Variants in BMPR1B observed in about 807,000 individuals in gnomAD.
BMPR1B encodes bone morphogenetic protein receptor type 1B.
In BMPR1B, 12 loss-of-function variants were observed where a neutral mutation model predicts 59.1. The observed-to-expected ratio is 0.20, with a 90% CI of 0.13 to 0.33. BMPR1B has a LOEUF of 0.33. Ranked by LOEUF, BMPR1B falls within the 10% of genes least tolerant of loss-of-function variation. BMPR1B has a pLI of 1.00. For synonymous variants in BMPR1B, 237 were observed against 207.3 expected (o/e 1.14, Z -1.23); for missense variants, 550 against 610.9 (o/e 0.90, Z 1.05).
intron 3 of BMPR1B, among the ~76,000 whole-genome samples, chr4:95,037,164 A>C (rs2149166249): frequency 1.3e-5 from 2 of 152,228 alleles, no homozygotes; most frequent in South Asian, 2.1e-4. Context: ...GTGTTAGTGG[A>C]GTGCTACCTC....
At chr4:94,948,802 TCA>T (rs570642655) in intron 2 of BMPR1B, among the ~76,000 whole-genome samples, 183 of 152,290 alleles carry the variant, frequency 1.2e-3, no homozygotes, top group African/African-American at 4.2e-3. Context: ...ATTTGCTAAA[TCA>T]CTATCTCTGC....
rs540105200 is a variant in BMPR1B, at chr4:95,143,373, C to T, written c.1077-5375C>T. ...AGTGAGTGGCTCCCATCACCCCCTCCTTGGTATGTCCTTCCCTGGCACCTT... is the reference window on the plus strand; with the variant it reads ...AGTGAGTGGCTCCCATCACCCCCTCTTTGGTATGTCCTTCCCTGGCACCTT... On this transcript the variant is annotated intron_variant, in intron 10 of 12. Coordinates refer to ENST00000515059, the MANE Select transcript of BMPR1B (RefSeq NM_001203.3). Among the ~76,000 whole-genome samples the T allele has an allele frequency of 7.2e-5, 11 of 152,312 alleles. No individual in the cohort carries two copies. In the South Asian group the frequency reaches 2.1e-3, roughly 29 times the overall value.
chr4:94,902,247 CACAGAGAGAGAGAGAGAGAG>C (rs1409572799), intron 2 of BMPR1B, among the ~76,000 whole-genome samples: 109 of 84,778 alleles, frequency 1.3e-3, no homozygotes, highest in Non-Finnish European at 2.0e-3. Context: ...CACACACACA[CACAGAGAGAGAGAGAGAGAG>C]AGAGAGAGAG....
intron 3 of BMPR1B, among the ~76,000 whole-genome samples, chr4:95,039,040 A>G (rs1725461267): frequency 6.6e-6 from 1 of 152,206 alleles, no homozygotes; most frequent in African/African-American, 2.4e-5. Context: ...TAACCGTAAT[A>G]AGATGTGTAG....
chr4:94,967,839 T>C (rs1730611636), intron 2 of BMPR1B, among the ~76,000 whole-genome samples: 1 of 151,828 alleles, frequency 6.6e-6, no homozygotes. Context: ...AGATTTTTTT[T>C]CTTCACTTAA....
chr4:95,109,849 A>T lies in BMPR1B; in HGVS notation c.144-4871A>T, dbSNP rs545356688. 2.2e-5 allele frequency among the ~76,000 whole-genome samples: 3 copies of T among 135,392 alleles called. No homozygotes were observed. In the South Asian group the frequency reaches 8.7e-4, roughly 39 times the overall value. 88.8% of individuals were successfully genotyped at this position (135,392 alleles called of 152,430 possible). A position where few individuals can be genotyped will look rare whatever the true frequency, so the allele number is the denominator to read the frequency against. Reference sequence around the variant, plus strand: ...AGCATTAGGTGTATCTCCTAATGCTATCCCTCCCCCCTCCCCCCACCCCAC... The same window carrying T: ...AGCATTAGGTGTATCTCCTAATGCTTTCCCTCCCCCCTCCCCCCACCCCAC... On this transcript the variant is annotated intron_variant, in intron 4 of 12. Coordinates refer to ENST00000515059, the MANE Select transcript of BMPR1B (RefSeq NM_001203.3).
chr4:95,007,045 A>G (rs1358815629), intron 3 of BMPR1B, among the ~76,000 whole-genome samples: 1 of 152,184 alleles, frequency 6.6e-6, no homozygotes, highest in Non-Finnish European at 1.5e-5. Flanking sequence ...ATTTACGAAC[A>G]TTAATACATT....
chr4:94,938,017 A>G (rs1729384547), intron 2 of BMPR1B, among the ~76,000 whole-genome samples: 1 of 152,214 alleles, frequency 6.6e-6, no homozygotes, highest in Non-Finnish European at 1.5e-5. Context: ...AAAGCACCAA[A>G]AATAAAATCA....
intron 2 of BMPR1B, among the ~76,000 whole-genome samples, chr4:94,894,358 G>A (rs1447366339): frequency 6.6e-6 from 1 of 151,784 alleles, no homozygotes; most frequent in Non-Finnish European, 1.5e-5. Flanking sequence ...GCACAGACCA[G>A]CTTTTCTTAA....
At chr4:94,921,158 T>G (rs926370153) in intron 2 of BMPR1B, among the ~76,000 whole-genome samples, 2 of 152,074 alleles carry the variant, frequency 1.3e-5, no homozygotes, top group Non-Finnish European at 1.5e-5. Flanking sequence ...CTGCTTGGCG[T>G]TTTGAACCTG....
intron 8 of BMPR1B, among the ~76,000 whole-genome samples, chr4:95,125,813 T>C (rs1732865216): frequency 6.6e-6 from 1 of 152,148 alleles, no homozygotes; most frequent in East Asian, 1.9e-4. Context: ...TGCACTGTTA[T>C]GTCCTGGGTA....
At chr4:95,039,032 A>G (rs899693106) in intron 3 of BMPR1B, among the ~76,000 whole-genome samples, 1 of 152,212 alleles carries the variant, frequency 6.6e-6, no homozygotes, top group African/African-American at 2.4e-5. Context: ...GTTCTGACTA[A>G]CCGTAATAAG....
chr4:95,001,004 G>A (rs1722406364), intron 3 of BMPR1B, among the ~76,000 whole-genome samples: 1 of 152,116 alleles, frequency 6.6e-6, no homozygotes, highest in African/African-American at 2.4e-5. Context: ...GGCAGTTGTG[G>A]CATCCATAGG....
intron 2 of BMPR1B, among the ~76,000 whole-genome samples, chr4:94,964,868 T>C (rs554900043): frequency 1.3e-5 from 2 of 152,300 alleles, no homozygotes; most frequent in African/African-American, 4.8e-5. Context: ...TATGTTAGTA[T>C]ATTTAAATGT....
At chr4:94,864,312 A>G (rs1238229328) in intron 1 of BMPR1B, among the ~76,000 whole-genome samples, 4 of 152,010 alleles carry the variant, frequency 2.6e-5, no homozygotes, top group Non-Finnish European at 5.9e-5. Flanking sequence ...GTGGGAGATA[A>G]TGGTAGCAGG....
intron 2 of BMPR1B, among the ~76,000 whole-genome samples, chr4:94,943,457 C>T (rs190448891): frequency 1.3e-5 from 2 of 152,278 alleles, no homozygotes; most frequent in Admixed American, 1.3e-4. Flanking sequence ...TGATAATCTA[C>T]TCAGCATATC....
chr4:94,937,721 C>CACACACACACACACACAG (rs1560556654), intron 2 of BMPR1B, among the ~76,000 whole-genome samples: 79 of 149,818 alleles, frequency 5.3e-4, no homozygotes, highest in African/African-American at 1.7e-3. Flanking sequence ...CACACACAGA[C>CACACACACACACACACAG]ACACACACAC....
intron 6 of BMPR1B, among the ~76,000 whole-genome samples, chr4:95,121,794 T>G (rs557917114): frequency 6.6e-6 from 1 of 152,260 alleles, no homozygotes; most frequent in East Asian, 1.9e-4. Context: ...ACTGTTACCT[T>G]TTAAAAAGAA....
rs573066070 is a variant in BMPR1B, at chr4:95,156,756, A to G, written c.*2083A>G. On this transcript the variant is annotated 3_prime_UTR_variant, in exon 13 of 13. Transcript: ENST00000515059. Reference sequence around the variant, plus strand: ...ATTGATATTAAAAATAACCTCAATAATAATGTAAAGGTTCCTTTCTCTTGT... The same window carrying G: ...ATTGATATTAAAAATAACCTCAATAGTAATGTAAAGGTTCCTTTCTCTTGT... 6.6e-6 allele frequency: 1 copy of G among 152,286 alleles called. No homozygotes were observed. The highest frequency in any genetic ancestry group is 1.9e-4 in the East Asian group (1 of 5,178). 9.4% of individuals were successfully genotyped at this position (152,286 alleles called of 1,614,324 possible). A position where few individuals can be genotyped will look rare whatever the true frequency, so the allele number is the denominator to read the frequency against.
Sources: allele counts gnomAD v4.1 joint callset (sites outside exome capture counted in the v4.1 genomes callset), GRCh38; gene constraint gnomAD v4.1.1; transcripts MANE v1.5; gene names NCBI Gene and HGNC (gene_info 2026-07-23, HGNC 2026-07-21).